The following ITPR1 variants were observed in gnomAD, a reference collection of about 807,000 sequenced individuals.
ITPR1 encodes inositol 1,4,5-trisphosphate-gated calcium channel ITPR1.
A neutral mutation model predicts 318.4 loss-of-function variants in ITPR1; 96 were observed. The observed-to-expected ratio is 0.30, with a 90% CI of 0.26 to 0.36. ITPR1 has a LOEUF of 0.36. Among genes scored for constraint, ITPR1 ranks in the 10% least tolerant of loss-of-function variants. The pLI is 1.00. For missense variants in ITPR1, 2,440 were observed against 3,460.2 expected, an observed-to-expected ratio of 0.71 and a Z score of 7.40; for synonymous variants, 1,312 against 1,289.9, an observed-to-expected ratio of 1.02 and a Z score of -0.37.
intron 44 of ITPR1, among the ~76,000 whole-genome samples, chr3:4,753,325 G>C (rs1184026259): frequency 3.3e-5 from 5 of 152,124 alleles, no homozygotes; most frequent in South Asian, 2.1e-4. Context: ...AAGTTGGCTT[G>C]GGCCTGTCCC....
intron 4 of ITPR1, among the ~76,000 whole-genome samples, chr3:4,546,988 G>A (rs992549433): frequency 4.6e-5 from 7 of 152,172 alleles, no homozygotes; most frequent in African/African-American, 1.7e-4. Flanking sequence ...CTGACTAGCA[G>A]TGTGACCTCC....
intron 4 of ITPR1, among the ~76,000 whole-genome samples, chr3:4,606,651 G>A (rs1041006005): frequency 3.9e-5 from 6 of 152,042 alleles, no homozygotes; most frequent in Admixed American, 1.3e-4. Flanking sequence ...TTATGTATTC[G>A]TCTCATGCTC....
intron 2 of ITPR1, among the ~76,000 whole-genome samples, chr3:4,513,196 G>A (rs963648660): frequency 1.3e-5 from 2 of 152,170 alleles, no homozygotes; most frequent in African/African-American, 4.8e-5. Context: ...CACTTCTGGG[G>A]CGGACTTTCC....
At chr3:4,675,358 C>A in intron 23 of ITPR1, 110 bp downstream of exon 23, 1 of 754,036 alleles carries the variant, frequency 1.3e-6, no homozygotes, top group Non-Finnish European at 2.1e-6. Context: ...TTCATTCCTT[C>A]CCAACTTTTC....
At chr3:4,822,679 T>C (rs577758080) in intron 60 of ITPR1, among the ~76,000 whole-genome samples, 34 of 152,304 alleles carry the variant, frequency 2.2e-4, no homozygotes, top group South Asian at 8.3e-4. Context: ...CACTGGTAGA[T>C]TTGTCCTTCA....
At position 4,626,857 on chromosome 3, in the gene ITPR1, C is replaced by T. The variant is rs542723068; in HGVS notation, c.164-906C>T. Among the ~76,000 whole-genome samples, 6 of 152,236 alleles carry T rather than the reference C, an allele frequency of 3.9e-5. No homozygotes were observed. The East Asian group carries it at 7.7e-4, about 20-fold the overall frequency. On this transcript the variant is annotated intron_variant, in intron 4 of 61. Coordinates refer to ENST00000649015, the MANE Select transcript of ITPR1 (RefSeq NM_001378452.1). ...TTTTTGAGACAGAATCTTGTTCTGCCGCCCAAACTGGAGTGCGGTGGTGTG... is the reference window on the plus strand; with the variant it reads ...TTTTTGAGACAGAATCTTGTTCTGCTGCCCAAACTGGAGTGCGGTGGTGTG...
rs934442156 is a variant in ITPR1 at position 4,779,200 on chromosome 3, C to T, written c.6292-350C>T. On this transcript the variant is annotated intron_variant, in intron 48 of 61. Transcript: ENST00000649015. This position sits in a 1 kb window ranked among gnomAD's most constrained non-coding sequence, Gnocchi z 4.0. ...AGATCTGTGTAGTAGCAGCTTCTTC[C>T]CAACCACTGTCACCATGAGGGTGAC... 2.0e-5 allele frequency among the ~76,000 whole-genome samples: 3 copies of T among 152,236 alleles called. No homozygotes were observed. The highest frequency in any genetic ancestry group is 4.4e-5 in the Non-Finnish European group (3 of 68,038).
In ITPR1 at chr3:4,609,089, T is replaced by TATAC. The variant is rs1171860541; in HGVS notation, c.164-18673_164-18672insTACA. Among the ~76,000 whole-genome samples the TATAC allele has an allele frequency of 1.5e-3, 134 of 91,904 alleles. 1 individual carries two copies. The highest frequency in any genetic ancestry group is 2.7e-3 in the African/African-American group (71 of 26,454). The allele number at this position is 91,904 out of a possible 152,430, so 60.3% of individuals were successfully genotyped here. Reference sequence around the variant, plus strand: ...ATATATATATATATATATATATATATACACACACACGTATGTCAGTGGTGG... The same window carrying TATAC: ...ATATATATATATATATATATATATATATACACACACACACGTATGTCAGTGGTGG... On this transcript the variant is annotated intron_variant, in intron 4 of 61. Coordinates refer to ENST00000649015, the MANE Select transcript of ITPR1 (RefSeq NM_001378452.1).
chr3:4,503,627 G>A (rs1420826945), intron 2 of ITPR1, among the ~76,000 whole-genome samples: 5 of 152,094 alleles, frequency 3.3e-5, no homozygotes, highest in African/African-American at 9.7e-5. Flanking sequence ...GGGGTGGGGT[G>A]CTACTGGCAT....
At chr3:4,686,977 C>T (rs1471378318) in intron 30 of ITPR1, among the ~76,000 whole-genome samples, 1 of 152,190 alleles carries the variant, frequency 6.6e-6, no homozygotes, top group African/African-American at 2.4e-5. Flanking sequence ...CTGGGACTTG[C>T]TATTAATGTC....
At chr3:4,663,263 G>C (rs2093875848) in intron 16 of ITPR1, 57 bp downstream of exon 16, 3 of 1,522,090 alleles carry the variant, frequency 2.0e-6, no homozygotes, top group Non-Finnish European at 2.7e-6. Context: ...TAAAGCATGA[G>C]TGGTAGCTCA....
At chr3:4,527,726 C>T (rs947665450) in intron 4 of ITPR1, among the ~76,000 whole-genome samples, 1 of 152,142 alleles carries the variant, frequency 6.6e-6, no homozygotes, top group Admixed American at 6.5e-5. Context: ...GAGTATGTTG[C>T]TTGGCTATAA....
chr3:4,536,625 G>A (rs553937538), intron 4 of ITPR1, among the ~76,000 whole-genome samples: 1 of 152,298 alleles, frequency 6.6e-6, no homozygotes, highest in East Asian at 1.9e-4. Flanking sequence ...TCCCAGATGA[G>A]CTTTTAGTCC....
intron 11 of ITPR1, among the ~76,000 whole-genome samples, chr3:4,653,107 G>A (rs772788402): frequency 2.6e-5 from 4 of 152,104 alleles, no homozygotes; most frequent in East Asian, 1.9e-4. Context: ...GTGACATGTC[G>A]AGCTTTACTC....
intron 55 of ITPR1, among the ~76,000 whole-genome samples, chr3:4,807,974 C>T (rs952427999): frequency 6.6e-6 from 1 of 152,198 alleles, no homozygotes; most frequent in Non-Finnish European, 1.5e-5. Context: ...CGCCACCTTG[C>T]CCCAGTAGAC....
intron 18 of ITPR1, among the ~76,000 whole-genome samples, chr3:4,668,214 A>T (rs368740755): frequency 0.022 from 2,558 of 117,576 alleles, 92 homozygotes; most frequent in African/African-American, 0.074. Context: ...CGTTCTTTCT[A>T]TTTTTTTTTT....
At chr3:4,551,799 A>G (rs535917314) in intron 4 of ITPR1, among the ~76,000 whole-genome samples, 11 of 152,370 alleles carry the variant, frequency 7.2e-5, no homozygotes, top group East Asian at 1.9e-4. Flanking sequence ...TAAGTTATAT[A>G]GCTGGTAAGT....
chr3:4,498,100 A>T (rs975528870), intron 2 of ITPR1, among the ~76,000 whole-genome samples: 4 of 152,202 alleles, frequency 2.6e-5, no homozygotes, highest in African/African-American at 9.7e-5. Flanking sequence ...TGGAAAGATG[A>T]AAAAGTTCTG....
At chr3:4,698,001 C>A (rs573352587) in intron 34 of ITPR1, among the ~76,000 whole-genome samples, 1 of 152,184 alleles carries the variant, frequency 6.6e-6, no homozygotes, top group Non-Finnish European at 1.5e-5. Context: ...CTCTTCACTT[C>A]CATTTACTGC....
Sources: allele counts gnomAD v4.1 joint callset (sites outside exome capture counted in the v4.1 genomes callset), GRCh38; gene constraint gnomAD v4.1.1; non-coding constraint Gnocchi (gnomAD v3.1); transcripts MANE v1.5; gene names NCBI Gene and HGNC (gene_info 2026-07-23, HGNC 2026-07-21).